The following TOP2B variants were observed in gnomAD, a reference collection of about 807,000 sequenced individuals.
TOP2B encodes DNA topoisomerase II beta, also known as DNA topoisomerase 2-beta.
In TOP2B, 51 loss-of-function variants were observed where a neutral mutation model predicts 193.5. The observed-to-expected ratio is 0.26, with a 90% CI of 0.21 to 0.33. The LOEUF (loss-of-function observed/expected upper bound fraction) is 0.33. Among genes scored for constraint, TOP2B ranks in the 10% least tolerant of loss-of-function variants. The probability of loss-of-function intolerance (pLI) is 1.00; values close to 1 mark genes in which losing one functional copy is unlikely to be tolerated. For synonymous variants in TOP2B, 634 were observed against 635.7 expected (o/e 1.00, Z 0.04); for missense variants, 1,378 against 1,909.3 (o/e 0.72, Z 5.19).
Position 25,607,157 on chromosome 3 carries a change from A to G in TOP2B, c.4298+14T>C. ...ACAATTAACTATACCACATCACTAA[A>G]TAGCATTACTTACTCTGGAGTGGCT... On this transcript the variant is annotated intron_variant, in intron 31 of 35. Coordinates refer to ENST00000264331, the MANE Select transcript of TOP2B (RefSeq NM_001330700.2). 6.2e-7 allele frequency: 1 copy of G among 1,612,314 alleles called. No individual in the cohort carries two copies. The highest frequency in any genetic ancestry group is 8.5e-7 in the Non-Finnish European group (1 of 1,179,188).
chr3:25,645,168 T>G, intron 2 of TOP2B, 132 bp downstream of exon 2: 2 of 844,226 alleles, frequency 2.4e-6, no homozygotes, highest in Non-Finnish European at 3.6e-6. Context: ...TCTAGATCTT[T>G]CACCCTACTT....
rs1257386336 is a variant in TOP2B at position 25,607,340 on chromosome 3, C to T, written c.4129G>A (p.Glu1377Lys). 3 of 1,551,656 alleles carry T rather than the reference C, an allele frequency of 1.9e-6. No homozygotes were observed. The highest frequency in any genetic ancestry group is 2.6e-6 in the Non-Finnish European group (3 of 1,146,930). Residue 1377 changes from glutamate to lysine, a missense_variant, in exon 31 of 36, where the codon GAA (glutamate) becomes AAA (lysine). Coordinates refer to ENST00000264331, the MANE Select transcript of TOP2B (RefSeq NM_001330700.2). Reference protein sequence around the residue: ...RPKYTFDFSEEEDDDADDDDD... With the variant: ...RPKYTFDFSEKEDDDADDDDD... ...TCATCATCAGCATCATCATCCTCTT[C>T]TTCTGAGAAATCAAATGTGTATTTA...
intron 1 of TOP2B, among the ~76,000 whole-genome samples, chr3:25,661,572 C>G (rs767977617): frequency 1.3e-5 from 2 of 152,086 alleles, no homozygotes; most frequent in African/African-American, 4.8e-5. Context: ...TTCAAGAAAC[C>G]CTGCTGCCTT....
At chr3:25,644,954 C>A (rs1187205931) in intron 2 of TOP2B, among the ~76,000 whole-genome samples, 1 of 147,908 alleles carries the variant, frequency 6.8e-6, no homozygotes, top group East Asian at 2.1e-4. Context: ...CGCCACCACA[C>A]CCAGAAAATT....
Position 25,598,181 on chromosome 3 carries a change from C to CAAT in TOP2B, c.*123_*125dup, listed in dbSNP as rs1301074320. On this transcript the variant is annotated 3_prime_UTR_variant, in exon 36 of 36. Transcript: ENST00000264331. ...GAACAAAATGTTAAAAGGCCTACCA[C>CAAT]AATAATAAAAAACCGTCAATTACAT... The CAAT allele has an allele frequency of 9.7e-7, 1 of 1,026,936 alleles. No individual in the cohort carries two copies. Among genetic ancestry groups the CAAT allele is most frequent in the Admixed American group, 2.7e-5 (1 of 37,076 alleles). The allele number at this position is 1,026,936 out of a possible 1,614,324, so 63.6% of individuals were successfully genotyped here.
chr3:25,643,434 TAG>T (rs1278609918), intron 3 of TOP2B, among the ~76,000 whole-genome samples: 6 of 152,128 alleles, frequency 3.9e-5, no homozygotes, highest in African/African-American at 1.4e-4. Flanking sequence ...TGACTACACA[TAG>T]AGGAGTACAG....
intron 32 of TOP2B, 96 bp from the exon 33 acceptor site, chr3:25,604,966 C>A (rs974912565): frequency 2.5e-6 from 2 of 789,978 alleles, no homozygotes; most frequent in African/African-American, 1.7e-5. Context: ...TTTAGCTAGA[C>A]AATTGATCTT....
intron 15 of TOP2B, 97 bp downstream of exon 15, chr3:25,628,750 G>T: frequency 1.4e-6 from 1 of 728,146 alleles, no homozygotes; most frequent in Non-Finnish European, 2.2e-6. Flanking sequence ...TATTTTCGAA[G>T]TCTAAAATAG....
chr3:25,659,220 G>C (rs948835965), intron 1 of TOP2B, among the ~76,000 whole-genome samples: 1 of 152,096 alleles, frequency 6.6e-6, no homozygotes, highest in Non-Finnish European at 1.5e-5. Flanking sequence ...TATGTAAATG[G>C]AGAGGCCATG....
At chr3:25,661,912 G>C (rs1459771301) in intron 1 of TOP2B, among the ~76,000 whole-genome samples, 1 of 152,116 alleles carries the variant, frequency 6.6e-6, no homozygotes, top group Non-Finnish European at 1.5e-5. Flanking sequence ...ATTTCTTTCT[G>C]TTACCACAAG....
intron 25 of TOP2B, among the ~76,000 whole-genome samples, chr3:25,616,197 T>C (rs1450372836): frequency 1.3e-5 from 2 of 151,930 alleles, no homozygotes; most frequent in Non-Finnish European, 2.9e-5. Context: ...CCCTTGTCTA[T>C]AGAAACAGCT....
At chr3:25,634,463 T>C (rs965536085) in intron 7 of TOP2B, among the ~76,000 whole-genome samples, 3 of 152,068 alleles carry the variant, frequency 2.0e-5, no homozygotes, top group South Asian at 2.1e-4. Flanking sequence ...TAAGTGTCTG[T>C]AGGAGACCAC....
At chr3:25,635,826 C>A in intron 7 of TOP2B, 110 bp downstream of exon 7, 1 of 813,114 alleles carries the variant, frequency 1.2e-6, no homozygotes, top group Non-Finnish European at 1.9e-6. Flanking sequence ...TGTGAATCAT[C>A]TGAACACACC....
In TOP2B at chr3:25,644,604, G is replaced by A. The variant is rs372669359; in HGVS notation, c.240+696C>T. Among the ~76,000 whole-genome samples, 10 of 151,084 alleles carry A rather than the reference G, an allele frequency of 6.6e-5. No individual in the cohort carries two copies. In the East Asian group the frequency reaches 1.8e-3, roughly 27 times the overall value. On this transcript the variant is annotated intron_variant, in intron 2 of 35. Transcript: ENST00000264331. ...TAATCCCAGCTACTTGGAAGGCTGA[G>A]GCAGGAGAATCGTTTGAACCCAGGA...
At chr3:25,628,233 T>C (rs1362813719) in intron 15 of TOP2B, among the ~76,000 whole-genome samples, 1 of 149,694 alleles carries the variant, frequency 6.7e-6, no homozygotes, top group Non-Finnish European at 1.5e-5. Flanking sequence ...CCCAATACTT[T>C]GGGAGGCCAA....
chr3:25,620,548 G>T, intron 22 of TOP2B, 134 bp downstream of exon 22: 2 of 862,338 alleles, frequency 2.3e-6, no homozygotes, highest in Non-Finnish European at 3.4e-6. Context: ...AAATTCAACT[G>T]AAGGGTAAAA....
At chr3:25,602,726 A>G (rs981944933) in intron 33 of TOP2B, among the ~76,000 whole-genome samples, 1 of 152,028 alleles carries the variant, frequency 6.6e-6, no homozygotes, top group Non-Finnish European at 1.5e-5. Context: ...TCTAGGAACC[A>G]CTTTTTTTCC....
chr3:25,612,855 G>A (rs1201902884), intron 27 of TOP2B, 146 bp from the exon 28 acceptor site: 6 of 587,342 alleles, frequency 1.0e-5, no homozygotes, highest in South Asian at 3.3e-5. Flanking sequence ...ATTAAATAAT[G>A]GAAAAAAAAT....
chr3:25,615,092 A>G, intron 27 of TOP2B, 113 bp downstream of exon 27: 1 of 829,672 alleles, frequency 1.2e-6, no homozygotes, highest in East Asian at 2.8e-5. Context: ...CTCAACTTAT[A>G]AACATATTAA....
Sources: gnomAD v4.1 joint callset for allele counts (sites outside exome capture counted in the v4.1 genomes callset) on GRCh38, gnomAD v4.1.1 for gene constraint, MANE v1.5 for transcripts, NCBI Gene and HGNC (gene_info 2026-07-23, HGNC 2026-07-21) for gene names.